Variants in ATP13A4 observed in about 807,000 individuals in gnomAD.
ATP13A4 encodes the protein probable cation-transporting ATPase 13A4.
A neutral mutation model predicts 142.5 loss-of-function variants in ATP13A4; 114 were observed. The ratio of observed to expected loss-of-function variants is 0.80; its 90% confidence interval spans 0.69 to 0.93. The LOEUF (loss-of-function observed/expected upper bound fraction) is 0.93. Ranked by LOEUF, ATP13A4 falls within the 40% of genes least tolerant of loss-of-function variation. ATP13A4 has a pLI of 0.00. For synonymous variants in ATP13A4, 488 were observed against 514.8 expected (o/e 0.95, Z 0.70); for missense variants, 1,392 against 1,454.0 (o/e 0.96, Z 0.69).
chr3:193,435,823 G>T, intron 23 of ATP13A4, 79 bp from the exon 24 acceptor site: 2 of 1,284,704 alleles, frequency 1.6e-6, no homozygotes, highest in Non-Finnish European at 2.3e-6. Context: ...GTTCAGCTAA[G>T]CTCAGGAGAA....
intron 3 of ATP13A4, among the ~76,000 whole-genome samples, chr3:193,497,689 GATAAAGAAA>G (rs1458723395): frequency 6.6e-6 from 1 of 151,988 alleles, no homozygotes; most frequent in East Asian, 1.9e-4. Flanking sequence ...TGGATGAATG[GATAAAGAAA>G]ATGTACATGT....
intron 2 of ATP13A4, among the ~76,000 whole-genome samples, chr3:193,572,482 G>A (rs968363264): frequency 1.3e-5 from 2 of 152,152 alleles, no homozygotes; most frequent in African/African-American, 2.4e-5. Context: ...AGCAATGTGC[G>A]AATTTGGATC....
intron 2 of ATP13A4, among the ~76,000 whole-genome samples, 173 bp from the exon 3 acceptor site, chr3:193,502,812 G>T (rs1720628768): frequency 6.6e-6 from 1 of 152,178 alleles, no homozygotes; most frequent in African/African-American, 2.4e-5. Flanking sequence ...GAGGGAAAAA[G>T]ACCTGTCATC....
chr3:193,583,617 T>C (rs1724614372), intron 1 of ATP13A4, among the ~76,000 whole-genome samples: 1 of 150,278 alleles, frequency 6.7e-6, no homozygotes, highest in Admixed American at 6.6e-5. Context: ...AGTAGAAAGA[T>C]CCAAAGGAAG....
At chr3:193,404,049 A>G in intron 29 of ATP13A4, 1 of 985,450 alleles carries the variant, frequency 1.0e-6, no homozygotes, top group African/African-American at 1.7e-5. Context: ...GGGCTGTTAA[A>G]GATCCATATA....
At chr3:193,520,832 C>A (rs570118179) in intron 1 of ATP13A4, among the ~76,000 whole-genome samples, 1 of 152,258 alleles carries the variant, frequency 6.6e-6, no homozygotes, top group Admixed American at 6.5e-5. Flanking sequence ...TCCTGAGGAA[C>A]AAAATGAACT....
intron 1 of ATP13A4, among the ~76,000 whole-genome samples, chr3:193,542,975 C>G (rs933530224): frequency 6.6e-6 from 1 of 152,094 alleles, no homozygotes; most frequent in Middle Eastern, 3.2e-3. Context: ...ACCATCCTGG[C>G]TAACATGGTG....
chr3:193,530,758 A>C (rs1442298722), intron 1 of ATP13A4, among the ~76,000 whole-genome samples: 2 of 152,098 alleles, frequency 1.3e-5, no homozygotes, highest in Admixed American at 1.3e-4. Context: ...GGATGTTGTG[A>C]TTTCATTGCT....
In ATP13A4 at chr3:193,456,914, G is replaced by T. The variant is rs550564240; in HGVS notation, c.1915+86C>A. 5.4e-6 allele frequency: 8 copies of T among 1,495,288 alleles called. No homozygotes were observed. The African/African-American group carries it at 5.6e-5, about 10-fold the overall frequency. 92.6% of individuals were successfully genotyped at this position (1,495,288 alleles called of 1,614,324 possible). On this transcript the variant is annotated intron_variant, in intron 16 of 29. Coordinates refer to ENST00000342695, the MANE Select transcript of ATP13A4 (RefSeq NM_032279.4). ...ACCCAATTGGTGATGACCCATAGGCGATTGAATTAATAGATCAAATGCAGT... is the reference window on the plus strand; with the variant it reads ...ACCCAATTGGTGATGACCCATAGGCTATTGAATTAATAGATCAAATGCAGT...
intron 3 of ATP13A4, 26 bp from the exon 4 acceptor site, chr3:193,493,186 C>G: frequency 2.5e-6 from 4 of 1,600,180 alleles, no homozygotes; most frequent in Non-Finnish European, 2.6e-6. Context: ...ACTAAGAAAA[C>G]CTCTAGTTTG....
chr3:193,574,650 A>C (rs2108743190), intron 2 of ATP13A4, among the ~76,000 whole-genome samples: 1 of 152,288 alleles, frequency 6.6e-6, no homozygotes, highest in South Asian at 2.1e-4. Flanking sequence ...TGGGGCAGGG[A>C]GGTTGCAGTG....
intron 1 of ATP13A4, among the ~76,000 whole-genome samples, chr3:193,525,369 A>C (rs1205394582): frequency 2.0e-5 from 3 of 152,162 alleles, no homozygotes; most frequent in Non-Finnish European, 4.4e-5. Flanking sequence ...CCAAAATCAC[A>C]CTTCCACTCT....
intron 21 of ATP13A4, among the ~76,000 whole-genome samples, chr3:193,439,580 A>G (rs1416100283): frequency 3.9e-5 from 6 of 152,224 alleles, no homozygotes; most frequent in African/African-American, 1.2e-4. Flanking sequence ...GAGGAAATCC[A>G]TCCTGTCAAC....
At chr3:193,486,847 A>T (rs1719653890) in intron 7 of ATP13A4, among the ~76,000 whole-genome samples, 1 of 152,244 alleles carries the variant, frequency 6.6e-6, no homozygotes, top group Non-Finnish European at 1.5e-5. Context: ...AGATATATTA[A>T]TAGTAATTTT....
Position 193,399,135 on chromosome 3 carries a change from C to A in ATP13A4, c.*3517G>T, listed in dbSNP as rs780555660. On this transcript the variant is annotated 3_prime_UTR_variant, in exon 30 of 30. Coordinates refer to ENST00000342695, the MANE Select transcript of ATP13A4 (RefSeq NM_032279.4). ...ATTTAGTGAGGGAAGCCCAGAGTCA[C>A]GGTTCTCTGTGGGTAAGAGCTAGAT... 2.0e-5 allele frequency among the ~76,000 whole-genome samples: 3 copies of A among 152,080 alleles called. No individual in the cohort carries two copies. The highest frequency in any genetic ancestry group is 4.4e-5 in the Non-Finnish European group (3 of 68,028).
chr3:193,467,862 C>G (rs1433990230), intron 9 of ATP13A4, among the ~76,000 whole-genome samples: 1 of 152,076 alleles, frequency 6.6e-6, no homozygotes, highest in Non-Finnish European at 1.5e-5. Context: ...ATGGAGAACC[C>G]TAACTGTCCA....
chr3:193,429,375 G>A (rs907743816), intron 25 of ATP13A4, among the ~76,000 whole-genome samples: 1 of 152,070 alleles, frequency 6.6e-6, no homozygotes, highest in African/African-American at 2.4e-5. Flanking sequence ...ATTCACAACA[G>A]CCAACAGGTG....
chr3:193,525,726 T>C (rs1204867595), intron 1 of ATP13A4, among the ~76,000 whole-genome samples: 6 of 152,188 alleles, frequency 3.9e-5, no homozygotes, highest in Admixed American at 2.6e-4. Flanking sequence ...CCCACACCAA[T>C]GCACACAAAC....
chr3:193,590,902 C>T (rs1724752939), intron 1 of ATP13A4, among the ~76,000 whole-genome samples: 1 of 152,324 alleles, frequency 6.6e-6, no homozygotes, highest in Non-Finnish European at 1.5e-5. Context: ...CCGGAGAGGA[C>T]ATGAGTGCCT....
Sources: allele counts gnomAD v4.1 joint callset (sites outside exome capture counted in the v4.1 genomes callset), GRCh38; gene constraint gnomAD v4.1.1; transcripts MANE v1.5; gene names NCBI Gene and HGNC (gene_info 2026-07-23, HGNC 2026-07-21).